The following LRRC37A2 variants were observed in gnomAD, a reference collection of about 807,000 sequenced individuals.
LRRC37A2 encodes leucine-rich repeat-containing protein 37A2.
Under a neutral mutation model 68.8 loss-of-function variants are expected in LRRC37A2, and 9 were observed. The ratio of observed to expected loss-of-function variants is 0.13; its 90% confidence interval spans 0.08 to 0.23. The LOEUF is 0.23. LRRC37A2 is among the 10% of genes least tolerant of loss of function. The pLI is 1.00. For missense variants in LRRC37A2, 168 were observed against 950.4 expected (o/e 0.18, Z 10.82); for synonymous variants, 63 against 367.6 (o/e 0.17, Z 9.48).
At chr17:46,787,957 GA>G in the LRRC37A2 span, among the ~76,000 whole-genome samples, 8,676 of 98,408 alleles carry the variant, frequency 0.088, 599 homozygotes, top group African/African-American at 0.22. Flanking sequence ...CTCTGCCTCA[GA>G]AAAAAAAAAA....
At chr17:46,955,076 G>T in the LRRC37A2 span, among the ~76,000 whole-genome samples, 2 of 152,130 alleles carry the variant, frequency 1.3e-5, no homozygotes, top group African/African-American at 4.8e-5. Flanking sequence ...GTGAGAGCGG[G>T]CATCCCTGTC....
At chr17:46,817,654 C>T in the LRRC37A2 span, among the ~76,000 whole-genome samples, 14 of 148,614 alleles carry the variant, frequency 9.4e-5, no homozygotes, top group Non-Finnish European at 1.9e-4. Context: ...GCACTGCTCC[C>T]GGCTTCCCAG....
At chr17:46,635,793 G>GTGTGTGTA in the LRRC37A2 span, among the ~76,000 whole-genome samples, 5 of 140,582 alleles carry the variant, frequency 3.6e-5, no homozygotes, top group Admixed American at 2.9e-4. Context: ...GTGTGTGTGT[G>GTGTGTGTA]TGTGTGTGTG....
the LRRC37A2 span, among the ~76,000 whole-genome samples, chr17:46,968,437 G>A: frequency 1.3e-5 from 2 of 152,184 alleles, no homozygotes; most frequent in African/African-American, 4.8e-5. Flanking sequence ...CCTGCCTGGG[G>A]TGTCCCTCCA....
At chr17:46,711,649 A>G in the LRRC37A2 span, among the ~76,000 whole-genome samples, 1 of 152,246 alleles carries the variant, frequency 6.6e-6, no homozygotes, top group Admixed American at 6.5e-5. Flanking sequence ...TTGAGTAGAC[A>G]GACAAAAGGG....
the LRRC37A2 span, among the ~76,000 whole-genome samples, chr17:46,900,220 CATATATATATAT>C: frequency 8.2e-6 from 1 of 122,190 alleles, no homozygotes; most frequent in Admixed American, 8.0e-5. Context: ...CACACACACA[CATATATATATAT>C]ATACACACAT....
chr17:46,935,604 A>G, the LRRC37A2 span: 1 of 1,066,122 alleles, frequency 9.4e-7, no homozygotes, highest in African/African-American at 1.7e-5. Context: ...TTTGTATTTT[A>G]GTAACTGAAT....
At chr17:46,984,940 A>G in the LRRC37A2 span, among the ~76,000 whole-genome samples, 1 of 152,108 alleles carries the variant, frequency 6.6e-6, no homozygotes, top group Non-Finnish European at 1.5e-5. Context: ...GCCTTTGGAC[A>G]TCATTTATTT....
chr17:47,028,337 C>G, the LRRC37A2 span: 2 of 1,504,258 alleles, frequency 1.3e-6, no homozygotes, highest in Non-Finnish European at 1.8e-6. Context: ...AGGCCTGGCA[C>G]GAAATGCAGT....
chr17:46,568,546 A>G, the LRRC37A2 span, among the ~76,000 whole-genome samples: 2 of 105,614 alleles, frequency 1.9e-5, no homozygotes, highest in African/African-American at 3.8e-5. Flanking sequence ...GGCTCACACT[A>G]TGGTCTCAGC....
At chr17:46,985,381 G>A in the LRRC37A2 span, among the ~76,000 whole-genome samples, 4 of 152,046 alleles carry the variant, frequency 2.6e-5, no homozygotes, top group East Asian at 1.9e-4. Flanking sequence ...TTAGCTGGGC[G>A]TGGTGGTGCA....
the LRRC37A2 span, among the ~76,000 whole-genome samples, chr17:46,912,415 C>T: frequency 6.6e-6 from 1 of 152,242 alleles, no homozygotes; most frequent in African/African-American, 2.4e-5. Context: ...ACATATTAGT[C>T]AGTGATAAGT....
the LRRC37A2 span, among the ~76,000 whole-genome samples, chr17:46,691,816 A>G: frequency 6.6e-6 from 1 of 151,162 alleles, no homozygotes; most frequent in Non-Finnish European, 1.5e-5. Flanking sequence ...GCAGTGGTGC[A>G]GTCTCGGCTC....
At chr17:46,859,069 C>T in the LRRC37A2 span, among the ~76,000 whole-genome samples, 4 of 150,924 alleles carry the variant, frequency 2.7e-5, no homozygotes, top group African/African-American at 7.3e-5. Flanking sequence ...CTCCACCTCC[C>T]GGGTTCAAGT....
At chr17:46,497,486 T>C in the LRRC37A2 span, among the ~76,000 whole-genome samples, 2 of 137,932 alleles carry the variant, frequency 1.4e-5, no homozygotes, top group Non-Finnish European at 3.1e-5. Flanking sequence ...AATTACAAAA[T>C]ATATACCTAA....
At chr17:47,018,516 C>T in the LRRC37A2 span, 15 of 1,521,042 alleles carry the variant, frequency 9.9e-6, no homozygotes, top group South Asian at 1.5e-4. Context: ...TACAGCTCAG[C>T]TCTCAGGGTC....
At chr17:46,609,887 G>A in the LRRC37A2 span, among the ~76,000 whole-genome samples, 18 of 140,970 alleles carry the variant, frequency 1.3e-4, 1 homozygote, top group Middle Eastern at 3.9e-3. Context: ...ATGCAGTGGC[G>A]TGATCAGGGC....
the LRRC37A2 span, among the ~76,000 whole-genome samples, chr17:46,823,941 G>T: frequency 6.6e-6 from 1 of 152,320 alleles, no homozygotes; most frequent in African/African-American, 2.4e-5. Flanking sequence ...ACTGCGGATG[G>T]TGAATACAAA....
the LRRC37A2 span, among the ~76,000 whole-genome samples, chr17:46,779,441 T>C: frequency 6.6e-6 from 1 of 151,930 alleles, no homozygotes; most frequent in African/African-American, 2.4e-5. Context: ...GCCCTTCCCT[T>C]CCCTAGGACC....
Sources: gnomAD v4.1 joint callset for allele counts (sites outside exome capture counted in the v4.1 genomes callset) on GRCh38, gnomAD v4.1.1 for gene constraint, MANE v1.5 for transcripts, NCBI Gene and HGNC (gene_info 2026-07-23, HGNC 2026-07-21) for gene names.